PDE1A: variants seen among roughly 807,000 people sequenced by gnomAD.
PDE1A encodes the protein dual specificity calcium/calmodulin-dependent 3',5'-cyclic nucleotide phosphodiesterase 1A.
A neutral mutation model predicts 61.7 loss-of-function variants in PDE1A; 35 were observed. That is an observed-to-expected ratio of 0.57 (90% CI 0.43 to 0.75). PDE1A has a LOEUF of 0.75. Ranked by LOEUF, PDE1A falls within the 30% of genes least tolerant of loss-of-function variation. The pLI, the probability that PDE1A is intolerant of heterozygous loss-of-function variation, is 0.00. For synonymous variants in PDE1A, 232 were observed against 213.2 expected, an observed-to-expected ratio of 1.09 and a Z score of -0.77; for missense variants, 597 against 630.6, an observed-to-expected ratio of 0.95 and a Z score of 0.57.
intron 1 of PDE1A, among the ~76,000 whole-genome samples, chr2:182,376,747 A>G (rs982247178): frequency 6.6e-6 from 1 of 152,196 alleles, no homozygotes; most frequent in Non-Finnish European, 1.5e-5. Flanking sequence ...AGACTGGGCA[A>G]TTTACAAAAG....
At chr2:182,308,680 A>T (rs1464512766) in intron 1 of PDE1A, among the ~76,000 whole-genome samples, 1 of 152,106 alleles carries the variant, frequency 6.6e-6, no homozygotes, top group Non-Finnish European at 1.5e-5. Flanking sequence ...TTTCACTTTC[A>T]TCCAATTGTA....
intron 1 of PDE1A, among the ~76,000 whole-genome samples, chr2:182,336,503 C>A (rs1008496125): frequency 6.6e-5 from 10 of 152,108 alleles, no homozygotes; most frequent in Non-Finnish European, 1.0e-4. Flanking sequence ...TCATTCTCAG[C>A]AAACTAACAC....
At chr2:182,429,448 T>A (rs1703810658), upstream of PDE1A, among the ~76,000 whole-genome samples, 1 of 152,116 alleles carries the variant, frequency 6.6e-6, no homozygotes, top group African/African-American at 2.4e-5. Flanking sequence ...TAATTTATTA[T>A]GAATAGTTTT....
chr2:182,658,767 C>A, the PDE1A span, among the ~76,000 whole-genome samples: 2 of 152,204 alleles, frequency 1.3e-5, no homozygotes, highest in Admixed American at 6.5e-5. Context: ...AGTCATTCAA[C>A]ATTTTATCAG....
At chr2:182,641,930 T>G in the PDE1A span, among the ~76,000 whole-genome samples, 1 of 152,226 alleles carries the variant, frequency 6.6e-6, no homozygotes, top group Non-Finnish European at 1.5e-5. Flanking sequence ...TTTTCTAATT[T>G]ACTATGACGT....
chr2:182,365,738 G>T (rs1280048114), intron 1 of PDE1A, among the ~76,000 whole-genome samples: 1 of 151,890 alleles, frequency 6.6e-6, no homozygotes, highest in Non-Finnish European at 1.5e-5. Context: ...ACCCATCCCA[G>T]AATTCTTTTG....
At chr2:182,204,054 A>G (rs1686889116) in intron 8 of PDE1A, among the ~76,000 whole-genome samples, 1 of 152,224 alleles carries the variant, frequency 6.6e-6, no homozygotes, top group South Asian at 2.1e-4. Flanking sequence ...ATGGTAAATA[A>G]CAAAATATAA....
the PDE1A span, among the ~76,000 whole-genome samples, chr2:182,666,293 C>T: frequency 0.71 from 107,605 of 152,130 alleles, 38,495 homozygotes; most frequent in Middle Eastern, 0.79. Context: ...TTTGGCTTAA[C>T]GAATTAAAGA....
the PDE1A span, among the ~76,000 whole-genome samples, chr2:182,623,258 G>T: frequency 6.6e-6 from 1 of 152,258 alleles, no homozygotes. Context: ...CATCCTTTCT[G>T]CCCAGCCAAC....
At chr2:182,561,439 T>A in the PDE1A span, among the ~76,000 whole-genome samples, 2 of 152,220 alleles carry the variant, frequency 1.3e-5, no homozygotes, top group African/African-American at 4.8e-5. Context: ...ACCAGTACCA[T>A]GCTGTTTTGG....
chr2:182,407,644 G>A (rs1393674783), intron 1 of PDE1A, among the ~76,000 whole-genome samples: 2 of 152,102 alleles, frequency 1.3e-5, no homozygotes, highest in Admixed American at 1.3e-4. Context: ...GCCTCCCACA[G>A]TGCTGGGATT....
At chr2:182,171,428 A>G (rs1692202459) in intron 13 of PDE1A, among the ~76,000 whole-genome samples, 1 of 151,936 alleles carries the variant, frequency 6.6e-6, no homozygotes, top group South Asian at 2.1e-4. Context: ...TGTTGAATTG[A>G]TTAATCTTTT....
At chr2:182,392,189 C>T (rs1405736440) in intron 1 of PDE1A, among the ~76,000 whole-genome samples, 2 of 152,178 alleles carry the variant, frequency 1.3e-5, no homozygotes, top group African/African-American at 4.8e-5. Flanking sequence ...AATGGACTCA[C>T]AGTACCATAT....
intron 2 of PDE1A, among the ~76,000 whole-genome samples, chr2:182,457,086 C>T (rs1245938990): frequency 2.0e-5 from 3 of 152,018 alleles, no homozygotes; most frequent in Admixed American, 6.6e-5. Context: ...AGTTGGTACA[C>T]GTTCCCTTTC....
At chr2:182,319,759 A>G (rs142984304) in intron 1 of PDE1A, among the ~76,000 whole-genome samples, 11 of 152,352 alleles carry the variant, frequency 7.2e-5, no homozygotes, top group African/African-American at 2.6e-4. Flanking sequence ...ACAGTAACTC[A>G]TCAAGAAACA....
intron 1 of PDE1A, among the ~76,000 whole-genome samples, chr2:182,386,114 C>T (rs1000239087): frequency 2.0e-5 from 3 of 152,200 alleles, no homozygotes; most frequent in African/African-American, 7.2e-5. Context: ...CCTGAGGTGC[C>T]GGGATTGCGG....
chr2:182,154,903 C>T (rs1049019371), intron 13 of PDE1A, among the ~76,000 whole-genome samples: 4 of 151,858 alleles, frequency 2.6e-5, no homozygotes, highest in African/African-American at 9.7e-5. Flanking sequence ...TAACATAATA[C>T]TACTACTAAC....
chr2:182,580,264 C>T, the PDE1A span, among the ~76,000 whole-genome samples: 3 of 152,062 alleles, frequency 2.0e-5, no homozygotes, highest in African/African-American at 7.2e-5. Context: ...GTACCACAGA[C>T]CAGGTAGGAA....
At chr2:182,480,928 C>T (rs1399668108) in intron 2 of PDE1A, among the ~76,000 whole-genome samples, 2 of 151,872 alleles carry the variant, frequency 1.3e-5, no homozygotes, top group Non-Finnish European at 2.9e-5. Context: ...TTTGTAGCCA[C>T]TTGCAGAAAC....
Sources: allele counts gnomAD v4.1 joint callset (sites outside exome capture counted in the v4.1 genomes callset), GRCh38; gene constraint gnomAD v4.1.1; transcripts MANE v1.5; gene names NCBI Gene and HGNC (gene_info 2026-07-23, HGNC 2026-07-21).